The following TCF4 variants were observed in gnomAD, a reference collection of about 807,000 sequenced individuals.
TCF4 encodes transcription factor 4, also known as SL3-3 enhancer factor 2.
Under a neutral mutation model 82.1 loss-of-function variants are expected in TCF4, and 3 were observed. That is an observed-to-expected ratio of 0.04 (90% confidence interval 0.02 to 0.09). The LOEUF (loss-of-function observed/expected upper bound fraction) is 0.09. Ranked by LOEUF, TCF4 falls within the 10% of genes least tolerant of loss-of-function variation. The pLI, the probability that TCF4 is intolerant of heterozygous loss-of-function variation, is 1.00. For missense variants in TCF4, 518 were observed against 852.7 expected, an observed-to-expected ratio of 0.61 and a Z score of 4.89; for synonymous variants, 276 against 309.6, an observed-to-expected ratio of 0.89 and a Z score of 1.14.
At chr18:55,523,894 T>G (rs1465093569) in intron 3 of TCF4, among the ~76,000 whole-genome samples, 2 of 152,102 alleles carry the variant, frequency 1.3e-5, no homozygotes, top group Non-Finnish European at 2.9e-5. Flanking sequence ...CACACAGATT[T>G]AAAATGAAAA....
intron 2 of TCF4, among the ~76,000 whole-genome samples, chr18:55,621,119 C>T (rs2097717520): frequency 6.6e-6 from 1 of 151,630 alleles, no homozygotes; most frequent in South Asian, 2.1e-4. Flanking sequence ...TGGAACATAA[C>T]CCAGACTCTA....
chr18:55,370,663 TC>T (rs1293706097), intron 6 of TCF4, among the ~76,000 whole-genome samples: 2 of 150,922 alleles, frequency 1.3e-5, no homozygotes, highest in Non-Finnish European at 2.9e-5. Context: ...ATGACAACTC[TC>T]CCCCCCAAAA....
intron 2 of TCF4, among the ~76,000 whole-genome samples, chr18:55,608,369 A>ATTTTT (rs746413576): frequency 1.2e-4 from 14 of 117,230 alleles, no homozygotes; most frequent in Non-Finnish European, 1.7e-4. Flanking sequence ...TTGCCACAGT[A>ATTTTT]TTTTTTTTTT....
chr18:55,441,327 A>C (rs2095435009), intron 5 of TCF4, among the ~76,000 whole-genome samples: 1 of 152,246 alleles, frequency 6.6e-6, no homozygotes, highest in African/African-American at 2.4e-5. Flanking sequence ...ATAAAACTTA[A>C]TCAACAGGGG....
intron 3 of TCF4, among the ~76,000 whole-genome samples, chr18:55,552,814 A>C (rs1351892545): frequency 6.6e-6 from 1 of 152,234 alleles, no homozygotes; most frequent in Non-Finnish European, 1.5e-5. Context: ...AGGAACATTT[A>C]CAGGATCTCA....
intron 8 of TCF4, among the ~76,000 whole-genome samples, chr18:55,306,065 C>A (rs536715428): frequency 6.6e-6 from 1 of 152,200 alleles, no homozygotes; most frequent in East Asian, 1.9e-4. Context: ...ATAGACTTTG[C>A]AAGGGAGGGT....
chr18:55,232,550 G>A lies in TCF4; in HGVS notation c.1608C>T (p.Asp536=), dbSNP rs370405835. 3.3e-5 allele frequency: 53 copies of A among 1,614,016 alleles called. No homozygotes were observed. The highest frequency in any genetic ancestry group is 1.6e-4 in the Middle Eastern group (1 of 6,062). Residue 536 remains aspartate, a synonymous_variant, in exon 17 of 20, where the codon GAC becomes GAT. Transcript: ENST00000354452. ...TKSSEDKKLD[D]DKKDIKSITR... is the part of the protein sequence containing the mutation. ...TAATTGATTTGATATCCTTCTTGTC[G>A]TCATCTAATTTCTTGTCCTCCGAAG...
upstream of TCF4, chr18:55,589,732 A>C (rs1446959847): frequency 9.8e-7 from 1 of 1,023,304 alleles, no homozygotes; most frequent in Non-Finnish European, 1.2e-6. Flanking sequence ...TCCCCCGTGG[A>C]GTCACATTGA....
chr18:55,481,776 G>A (rs1179977720), intron 3 of TCF4, among the ~76,000 whole-genome samples: 1 of 152,092 alleles, frequency 6.6e-6, no homozygotes, highest in Non-Finnish European at 1.5e-5. Context: ...TTGGACCTAT[G>A]TCCTTCCAAG....
At chr18:55,479,537 TA>T (rs2096375833) in intron 3 of TCF4, among the ~76,000 whole-genome samples, 1 of 152,126 alleles carries the variant, frequency 6.6e-6, no homozygotes, top group African/African-American at 2.4e-5. Flanking sequence ...ATTTGGCCAA[TA>T]AAATGTGAGC....
intron 6 of TCF4, chr18:55,402,022 C>A: frequency 1.0e-6 from 1 of 984,956 alleles, no homozygotes; most frequent in Non-Finnish European, 1.2e-6. Context: ...AGGCTTGTCG[C>A]CCAGGCTATC....
chr18:55,539,032 G>A (rs954398000), intron 3 of TCF4, among the ~76,000 whole-genome samples: 12 of 150,954 alleles, frequency 7.9e-5, no homozygotes, highest in Admixed American at 2.0e-4. Context: ...ACACGTGCGC[G>A]CACACACACT....
chr18:55,574,528 A>G (rs2097509061), intron 3 of TCF4, among the ~76,000 whole-genome samples: 1 of 152,174 alleles, frequency 6.6e-6, no homozygotes, highest in African/African-American at 2.4e-5. Flanking sequence ...TTTCTACAAA[A>G]TAATTAAATC....
chr18:55,342,143 G>A (rs142243873), intron 8 of TCF4, among the ~76,000 whole-genome samples: 1,912 of 152,154 alleles, frequency 0.013, 49 homozygotes, highest in African/African-American at 0.042. Context: ...TGTTACTGTC[G>A]GGTTTCACTT....
At chr18:55,610,868 C>T (rs1281617610) in intron 2 of TCF4, among the ~76,000 whole-genome samples, 1 of 152,168 alleles carries the variant, frequency 6.6e-6, no homozygotes, top group Non-Finnish European at 1.5e-5. Flanking sequence ...GGAACACTAC[C>T]TACCATGTAC....
At chr18:55,351,470 G>T (rs912697417) in intron 6 of TCF4, among the ~76,000 whole-genome samples, 1 of 151,858 alleles carries the variant, frequency 6.6e-6, no homozygotes, top group Non-Finnish European at 1.5e-5. Context: ...TCTCTGTACC[G>T]CATATCATGA....
At chr18:55,403,623 A>G (rs1183687554) in intron 5 of TCF4, 105 bp from the exon 6 acceptor site, 19 of 1,609,684 alleles carry the variant, frequency 1.2e-5, no homozygotes, top group East Asian at 6.7e-5. Context: ...TTACATACGT[A>G]AAGTAGGCAC....
At position 55,222,631 on chromosome 18, in the gene TCF4, G is replaced by A. The variant is rs968642181; in HGVS notation, c.*5404C>T. On this transcript the variant is annotated 3_prime_UTR_variant, in exon 20 of 20. Coordinates refer to ENST00000354452, the MANE Select transcript of TCF4 (RefSeq NM_001083962.2). ...AGACATCCCCAAATACCACGTACTT[G>A]ATTAGAACATTCTGTTATGAAGCGC... 9 of 152,624 alleles carry A rather than the reference G, an allele frequency of 5.9e-5. No individual in the cohort carries two copies. Among genetic ancestry groups the A allele is most frequent in the African/African-American group, 1.9e-4 (8 of 41,444 alleles). 9.5% of individuals were successfully genotyped at this position (152,624 alleles called of 1,614,324 possible).
Position 55,249,912 on chromosome 18 carries a change from A to T in TCF4, c.1350+4585T>A, listed in dbSNP as rs560305627. Reference sequence around the variant, plus strand: ...TTTGAAACGCTTCTTTTCAGGCCTCATCTGTGGATGTGAATACTGAATGAG... The same window carrying T: ...TTTGAAACGCTTCTTTTCAGGCCTCTTCTGTGGATGTGAATACTGAATGAG... On this transcript the variant is annotated intron_variant, in intron 15 of 19. Coordinates refer to ENST00000354452, the MANE Select transcript of TCF4 (RefSeq NM_001083962.2). Among the ~76,000 whole-genome samples, 331 of 152,332 alleles carry T rather than the reference A, an allele frequency of 2.2e-3. 3 individuals are homozygous for T. The highest frequency in any genetic ancestry group is 7.5e-3 in the African/African-American group (313 of 41,576).
Sources: allele counts gnomAD v4.1 joint callset (sites outside exome capture counted in the v4.1 genomes callset), GRCh38; gene constraint gnomAD v4.1.1; transcripts MANE v1.5; gene names NCBI Gene and HGNC (gene_info 2026-07-23, HGNC 2026-07-21).